DENND5B: variants seen among roughly 807,000 people sequenced by gnomAD.
DENND5B encodes the protein DENN domain-containing protein 5B.
Under a neutral mutation model 140.6 loss-of-function variants are expected in DENND5B, and 34 were observed. The ratio of observed to expected loss-of-function variants is 0.24; its 90% confidence interval spans 0.18 to 0.32. The LOEUF (loss-of-function observed/expected upper bound fraction) is 0.32. Ranked by LOEUF, DENND5B falls within the 10% of genes least tolerant of loss-of-function variation. The pLI is 1.00. For missense variants in DENND5B, 1,142 were observed against 1,560.2 expected, an observed-to-expected ratio of 0.73 and a Z score of 4.52; for synonymous variants, 551 against 562.1, an observed-to-expected ratio of 0.98 and a Z score of 0.28.
intron 1 of DENND5B, among the ~76,000 whole-genome samples, chr12:31,515,412 T>C (rs1035586065): frequency 6.6e-6 from 1 of 152,212 alleles, no homozygotes; most frequent in Admixed American, 6.5e-5. Context: ...TCTTTCACAG[T>C]ATGATATAGA....
At chr12:31,477,967 CA>C (rs1945894499) in intron 3 of DENND5B, 1 of 220,916 alleles carries the variant, frequency 4.5e-6, no homozygotes, top group African/African-American at 2.3e-5. Flanking sequence ...ATCTGTGGAG[CA>C]GAAAGCAATT....
At chr12:31,519,365 CATA>C (rs569534027) in intron 1 of DENND5B, among the ~76,000 whole-genome samples, 3 of 152,184 alleles carry the variant, frequency 2.0e-5, no homozygotes, top group Admixed American at 2.0e-4. Context: ...AACAGATGTG[CATA>C]ATGACACCTT....
chr12:31,573,930 C>T (rs922910139), intron 1 of DENND5B, among the ~76,000 whole-genome samples: 16 of 150,506 alleles, frequency 1.1e-4, no homozygotes, highest in African/African-American at 3.7e-4. Context: ...AGCCACTGTG[C>T]TCCATTCTGG....
intron 1 of DENND5B, among the ~76,000 whole-genome samples, chr12:31,547,537 T>TA (rs1948903202): frequency 1.3e-5 from 2 of 152,014 alleles, no homozygotes; most frequent in Admixed American, 1.3e-4. Flanking sequence ...TAGCTGGAAC[T>TA]ACAGACACAT....
chr12:31,576,456 A>T (rs1950021745), intron 1 of DENND5B, among the ~76,000 whole-genome samples: 1 of 151,382 alleles, frequency 6.6e-6, no homozygotes, highest in South Asian at 2.1e-4. Context: ...ACACCATCTC[A>T]AAAAAAAGTA....
chr12:31,475,128 A>G lies in DENND5B; in HGVS notation c.904+4461T>C, dbSNP rs139252535. ...TCTCCTCCTCAACAAAAAATGCACA[A>G]CAGCACTAACTCACTGCTGTTGAGA... On this transcript the variant is annotated intron_variant, in intron 3 of 20. Coordinates refer to ENST00000389082, the MANE Select transcript of DENND5B (RefSeq NM_144973.4). Among the ~76,000 whole-genome samples the G allele has an allele frequency of 1.1e-4, 16 of 152,290 alleles. No individual in the cohort carries two copies. In the East Asian group the frequency reaches 3.1e-3, roughly 29 times the overall value.
At chr12:31,392,418 A>G (rs1941195088) in intron 18 of DENND5B, 25 bp from the exon 19 acceptor site, 2 of 1,609,552 alleles carry the variant, frequency 1.2e-6, no homozygotes, top group Non-Finnish European at 1.7e-6. Flanking sequence ...ACACAGTGCC[A>G]AAGAAAAATC....
chr12:31,526,631 A>ATGCAATGT (rs1327636782), intron 1 of DENND5B, among the ~76,000 whole-genome samples: 3 of 152,246 alleles, frequency 2.0e-5, no homozygotes, highest in Non-Finnish European at 4.4e-5. Context: ...ACATAACTAA[A>ATGCAATGT]TGCAATGTGG....
At chr12:31,542,892 G>A (rs1355652322) in intron 1 of DENND5B, among the ~76,000 whole-genome samples, 4 of 152,202 alleles carry the variant, frequency 2.6e-5, no homozygotes, top group Non-Finnish European at 4.4e-5. Flanking sequence ...GGAGGTGGAA[G>A]TTGCAGGGAG....
At chr12:31,557,775 C>T (rs1356612058) in intron 1 of DENND5B, among the ~76,000 whole-genome samples, 1 of 115,900 alleles carries the variant, frequency 8.6e-6, no homozygotes, top group African/African-American at 3.3e-5. Context: ...GAACAATATA[C>T]AACCTATTAA....
At chr12:31,429,445 GTC>G (rs1943411106) in intron 8 of DENND5B, among the ~76,000 whole-genome samples, 1 of 152,158 alleles carries the variant, frequency 6.6e-6, no homozygotes, top group Non-Finnish European at 1.5e-5. Flanking sequence ...GTCTCGTTCT[GTC>G]ACCCAGGCTG....
At chr12:31,469,114 C>T (rs1404329774) in intron 3 of DENND5B, among the ~76,000 whole-genome samples, 1 of 151,992 alleles carries the variant, frequency 6.6e-6, no homozygotes, top group African/African-American at 2.4e-5. Flanking sequence ...GCAGGTGGAT[C>T]ACTGGAGGTC....
chr12:31,498,986 A>AC (rs1248252331), intron 1 of DENND5B, among the ~76,000 whole-genome samples: 1 of 146,486 alleles, frequency 6.8e-6, no homozygotes, highest in Non-Finnish European at 1.5e-5. Context: ...AAAAAAAAAA[A>AC]AAAAGAGAAT....
rs182723674 is a variant in DENND5B, at chr12:31,441,261, G to A, written c.2012+1514C>T. ...TGGGAGGCTGAGGCAGGAGGATCAC[G>A]TGAGCCTGGGGAGGTCAAGGCTATA... On this transcript the variant is annotated intron_variant, in intron 7 of 20. Coordinates refer to ENST00000389082, the MANE Select transcript of DENND5B (RefSeq NM_144973.4). Among the ~76,000 whole-genome samples, 414 of 152,140 alleles carry A rather than the reference G, an allele frequency of 2.7e-3. 4 individuals carry two copies. Among genetic ancestry groups the A allele is most frequent in the Non-Finnish European group, 4.0e-3 (275 of 67,964 alleles).
At chr12:31,551,971 C>G (rs1259391) in intron 1 of DENND5B, among the ~76,000 whole-genome samples, 1 of 138,060 alleles carries the variant, frequency 7.2e-6, no homozygotes, top group Non-Finnish European at 1.6e-5. Flanking sequence ...TGGGCTGAGA[C>G]GATGGGGTTT....
chr12:31,405,805 C>A (rs1046954453), intron 14 of DENND5B, among the ~76,000 whole-genome samples: 2 of 151,752 alleles, frequency 1.3e-5, no homozygotes, highest in African/African-American at 4.8e-5. Context: ...CAAGGCCTCC[C>A]AAAGTGCTGG....
chr12:31,441,346 A>G (rs2137964918), intron 7 of DENND5B, among the ~76,000 whole-genome samples: 1 of 152,098 alleles, frequency 6.6e-6, no homozygotes, highest in South Asian at 2.1e-4. Flanking sequence ...CCTTGTCTCA[A>G]AAAAAATGTA....
At chr12:31,533,068 G>A (rs1401787993) in intron 1 of DENND5B, among the ~76,000 whole-genome samples, 2 of 152,090 alleles carry the variant, frequency 1.3e-5, no homozygotes, top group African/African-American at 4.8e-5. Flanking sequence ...CAAGTCATTG[G>A]ATAATCATCC....
At chr12:31,556,206 CTT>C in intron 1 of DENND5B, among the ~76,000 whole-genome samples, 1 of 151,962 alleles carries the variant, frequency 6.6e-6, no homozygotes, top group Non-Finnish European at 1.5e-5. Context: ...CTCCTCCCCC[CTT>C]TTTTTTCTTT....
Sources: gnomAD v4.1 joint callset for allele counts (sites outside exome capture counted in the v4.1 genomes callset) on GRCh38, gnomAD v4.1.1 for gene constraint, MANE v1.5 for transcripts, NCBI Gene and HGNC (gene_info 2026-07-23, HGNC 2026-07-21) for gene names.